Variants in SNX14 observed in about 807,000 individuals in gnomAD.
The protein encoded by SNX14 is sorting nexin-14.
In SNX14, 93 loss-of-function variants were observed where a neutral mutation model predicts 133.8. The observed-to-expected ratio is 0.70, with a 90% confidence interval of 0.59 to 0.83. The LOEUF (loss-of-function observed/expected upper bound fraction) is 0.83. Among genes scored for constraint, SNX14 ranks in the 40% least tolerant of loss-of-function variants. The pLI, the probability that SNX14 is intolerant of heterozygous loss-of-function variation, is 0.00. For missense variants in SNX14, 945 were observed against 1,094.9 expected (o/e 0.86, Z 1.93); for synonymous variants, 368 against 365.6 (o/e 1.01, Z -0.07).
chr6:85,581,199 G>A (rs1562401497), intron 1 of SNX14: 1 of 152,192 alleles, frequency 6.6e-6, no homozygotes, highest in Admixed American at 6.5e-5. Context: ...ACTCTACCTG[G>A]TAATCCAGAG....
chr6:85,507,851 TTA>T (rs1427872760), intron 27 of SNX14, 115 bp downstream of exon 27: 4 of 565,526 alleles, frequency 7.1e-6, no homozygotes, highest in Non-Finnish European at 8.3e-6. Context: ...ATGTTTAAAA[TTA>T]TATTGCCTTG....
At chr6:85,574,129 AAAGAG>A in intron 2 of SNX14, 124 bp downstream of exon 2, 2 of 700,990 alleles carry the variant, frequency 2.9e-6, no homozygotes, top group African/African-American at 3.8e-5. Flanking sequence ...CAAAAAAAAA[AAAGAG>A]AAGAAATTGA....
At chr6:85,589,394 T>C (rs1283470557) in intron 1 of SNX14, 1 of 153,654 alleles carries the variant, frequency 6.5e-6, no homozygotes, top group Non-Finnish European at 1.4e-5. Flanking sequence ...CTAAATTTTT[T>C]GTATTTTTTG....
At chr6:85,544,578 C>T (rs550544152) in intron 12 of SNX14, among the ~76,000 whole-genome samples, 1 of 151,988 alleles carries the variant, frequency 6.6e-6, no homozygotes, top group Non-Finnish European at 1.5e-5. Flanking sequence ...GCAGGAGGAT[C>T]GCTTGAGCCC....
rs946298551 is a variant in SNX14 at position 85,547,404 on chromosome 6, A to G, written c.913-7T>C. 2 of 1,612,402 alleles carry G rather than the reference A, an allele frequency of 1.2e-6. No homozygotes were observed. The highest frequency in any genetic ancestry group is 2.7e-5 in the African/African-American group (2 of 74,846). ...GTTCAGTTGCTTTTTCAGGCTTTGAAAGAAAGAGAATTATTAACTCAGTAA... is the reference window on the plus strand; with the variant it reads ...GTTCAGTTGCTTTTTCAGGCTTTGAGAGAAAGAGAATTATTAACTCAGTAA... On this transcript the variant is annotated splice_polypyrimidine_tract_variant and splice_region_variant and intron_variant, in intron 10 of 28. Coordinates refer to ENST00000314673, the MANE Select transcript of SNX14 (RefSeq NM_153816.6).
chr6:85,528,729 A>T (rs911751729), intron 19 of SNX14, among the ~76,000 whole-genome samples: 1 of 152,206 alleles, frequency 6.6e-6, no homozygotes, highest in Non-Finnish European at 1.5e-5. Context: ...GGGAAAAAAG[A>T]TAGCATCTTG....
At chr6:85,506,052 A>C in intron 28 of SNX14, 47 bp from the exon 29 acceptor site, 1 of 1,251,794 alleles carries the variant, frequency 8.0e-7, no homozygotes, top group Non-Finnish European at 1.2e-6. Context: ...ACACAGGTTC[A>C]TTTGTAAATT....
intron 5 of SNX14, among the ~76,000 whole-genome samples, chr6:85,566,847 T>C (rs1021114752): frequency 6.6e-6 from 1 of 152,172 alleles, no homozygotes; most frequent in African/African-American, 2.4e-5. Context: ...TAAGAAAATA[T>C]GTATTTATTA....
intron 1 of SNX14, among the ~76,000 whole-genome samples, chr6:85,576,179 G>T (rs148533950): frequency 6.9e-4 from 105 of 152,108 alleles, no homozygotes; most frequent in African/African-American, 2.5e-3. Context: ...CTCACTACCA[G>T]AGAAACCAGG....
At chr6:85,523,796 G>C (rs776877275) in intron 21 of SNX14, among the ~76,000 whole-genome samples, 18 of 151,950 alleles carry the variant, frequency 1.2e-4, no homozygotes, top group South Asian at 2.1e-4. Flanking sequence ...GAGCATGGGA[G>C]AGAAAATCTA....
rs1441971454 is a variant in SNX14, at chr6:85,538,839, G to A, written c.1474C>T (p.Arg492Trp). ...AAGAATCACATGCTCAAGACTTACC[G>A]AAAATCATCCAAACTTAGGCTACCT... ...NRGSLSLDDF[R>W]NTQKRGESFG... The change falls in exon 16 of 29, where the codon CGG becomes TGG. Residue 492 changes from arginine (R) to tryptophan (W), a missense_variant and splice_region_variant. Arg to Trp is a moderately radical substitution (Grantham distance 101, BLOSUM62 -3). This residue lies in a region of SNX14 where 412 missense variants were observed against 516.6 expected (regional missense o/e 0.80). Transcript: ENST00000314673. 7.5e-6 allele frequency: 12 copies of A among 1,595,650 alleles called. No homozygotes were observed. The highest frequency in any genetic ancestry group is 1.8e-5 in the Admixed American group (1 of 56,352).
intron 1 of SNX14, among the ~76,000 whole-genome samples, chr6:85,576,740 C>T (rs1045030395): frequency 6.6e-6 from 1 of 152,200 alleles, no homozygotes; most frequent in Admixed American, 6.5e-5. Context: ...GGCCCAGCTA[C>T]ACTCCAGTTA....
At chr6:85,549,620 TAGGCTAACCTCAA>T in intron 8 of SNX14, 90 bp downstream of exon 8, 18 of 928,690 alleles carry the variant, frequency 1.9e-5, no homozygotes, top group Non-Finnish European at 2.1e-5. Context: ...AAGCTATTCA[TAGGCTAACCTCAA>T]ATTTTAGCAT....
chr6:85,524,160 C>T (rs1325634223), intron 21 of SNX14, among the ~76,000 whole-genome samples: 3 of 150,384 alleles, frequency 2.0e-5, no homozygotes, highest in South Asian at 2.1e-4. Flanking sequence ...CCAGCCTGGG[C>T]GACAGCGACA....
At chr6:85,542,957 G>A (rs1478685323) in intron 14 of SNX14, among the ~76,000 whole-genome samples, 1 of 152,076 alleles carries the variant, frequency 6.6e-6, no homozygotes, top group East Asian at 1.9e-4. Context: ...TAGTAGAGAT[G>A]GAGTTTCACC....
intron 2 of SNX14, among the ~76,000 whole-genome samples, chr6:85,573,841 C>T (rs1444957233): frequency 1.3e-5 from 2 of 152,152 alleles, no homozygotes; most frequent in Non-Finnish European, 2.9e-5. Flanking sequence ...TACTGTACAA[C>T]CAGCTTTGAG....
chr6:85,583,207 C>G (rs1043660071), intron 1 of SNX14, among the ~76,000 whole-genome samples: 2 of 152,094 alleles, frequency 1.3e-5, no homozygotes, highest in African/African-American at 4.8e-5. Context: ...AAATTCAACA[C>G]CCCTTCATGC....
intron 1 of SNX14, chr6:85,581,528 A>C (rs2128223733): frequency 6.6e-6 from 1 of 152,356 alleles, no homozygotes; most frequent in East Asian, 1.9e-4. Flanking sequence ...ATCCTGGAGA[A>C]ACAAAGATAT....
intron 12 of SNX14, among the ~76,000 whole-genome samples, chr6:85,544,628 G>A (rs1784905207): frequency 6.6e-6 from 1 of 152,076 alleles, no homozygotes; most frequent in Non-Finnish European, 1.5e-5. Flanking sequence ...GTGAGACTCA[G>A]TCTCTACAAA....
Sources: gnomAD v4.1 joint callset for allele counts (sites outside exome capture counted in the v4.1 genomes callset) on GRCh38, gnomAD v4.1.1 for gene constraint, gnomAD v4.1.1 regional missense constraint, MANE v1.5 for transcripts, NCBI Gene and HGNC (gene_info 2026-07-23, HGNC 2026-07-21) for gene names.